Variants in SKAP2 observed in about 807,000 individuals in gnomAD.
SKAP2 encodes the protein src kinase-associated phosphoprotein 2.
A neutral mutation model predicts 54.9 loss-of-function variants in SKAP2; 28 were observed. The ratio of observed to expected loss-of-function variants is 0.51; its 90% confidence interval spans 0.38 to 0.70. The LOEUF is 0.70. Ranked by LOEUF, SKAP2 falls within the 30% of genes least tolerant of loss-of-function variation. The pLI is 0.00. For missense variants in SKAP2, 356 were observed against 424.1 expected, an observed-to-expected ratio of 0.84 and a Z score of 1.41; for synonymous variants, 137 against 134.3, an observed-to-expected ratio of 1.02 and a Z score of -0.14.
chr7:26,755,495 A>G (rs902284727), intron 4 of SKAP2, among the ~76,000 whole-genome samples: 3 of 152,238 alleles, frequency 2.0e-5, no homozygotes, highest in African/African-American at 7.2e-5. Context: ...ATAGAAAAAC[A>G]GGTAAAGGAT....
intron 4 of SKAP2, among the ~76,000 whole-genome samples, chr7:26,783,067 T>C (rs959869997): frequency 2.0e-5 from 3 of 152,180 alleles, no homozygotes; most frequent in Admixed American, 6.5e-5. Context: ...TCCAGACCAG[T>C]ATCTAACTGC....
At chr7:26,754,776 C>T (rs560498618) in intron 4 of SKAP2, among the ~76,000 whole-genome samples, 2 of 152,328 alleles carry the variant, frequency 1.3e-5, no homozygotes, top group South Asian at 2.1e-4. Flanking sequence ...CAGTTCAGTG[C>T]TCCCTCATTT....
At chr7:26,770,236 G>C (rs990442303) in intron 4 of SKAP2, among the ~76,000 whole-genome samples, 2 of 152,150 alleles carry the variant, frequency 1.3e-5, no homozygotes, top group Admixed American at 6.5e-5. Flanking sequence ...GAACTTCTGG[G>C]TGGCTTTGTT....
chr7:26,827,679 C>A (rs1483606253), intron 4 of SKAP2, among the ~76,000 whole-genome samples: 38 of 152,194 alleles, frequency 2.5e-4, no homozygotes, highest in Non-Finnish European at 4.4e-5. Context: ...CAAGACATCA[C>A]AAACCCCACT....
intron 10 of SKAP2, 90 bp downstream of exon 10, chr7:26,690,195 G>A: frequency 1.0e-5 from 10 of 976,494 alleles, no homozygotes; most frequent in Non-Finnish European, 1.5e-5. Flanking sequence ...GGGGAGCTGT[G>A]TAAACATCTT....
chr7:26,692,621 G>T (rs1248556311), intron 9 of SKAP2, among the ~76,000 whole-genome samples: 1 of 152,168 alleles, frequency 6.6e-6, no homozygotes, highest in Non-Finnish European at 1.5e-5. Flanking sequence ...ACATAACACT[G>T]ACAATTTAAT....
At chr7:26,750,191 C>A in intron 4 of SKAP2, among the ~76,000 whole-genome samples, 1 of 151,936 alleles carries the variant, frequency 6.6e-6, no homozygotes, top group East Asian at 1.9e-4. Flanking sequence ...AATTACTTTT[C>A]TATGGCATTA....
At chr7:26,690,212 A>G in intron 10 of SKAP2, 73 bp downstream of exon 10, 2 of 1,106,382 alleles carry the variant, frequency 1.8e-6, no homozygotes, top group Non-Finnish European at 2.8e-6. Flanking sequence ...TCTTTAGAAC[A>G]GTAAGAACAT....
At chr7:26,743,672 T>C (rs1257799965) in intron 4 of SKAP2, among the ~76,000 whole-genome samples, 1 of 152,202 alleles carries the variant, frequency 6.6e-6, no homozygotes, top group Non-Finnish European at 1.5e-5. Flanking sequence ...GTATTTCTTA[T>C]ATGATAAACC....
chr7:26,732,301 C>T (rs886241371), intron 6 of SKAP2, among the ~76,000 whole-genome samples: 12 of 152,284 alleles, frequency 7.9e-5, no homozygotes, highest in African/African-American at 2.6e-4. Flanking sequence ...CCTGGCTTGG[C>T]AAGGCCCAAG....
At chr7:26,703,753 A>G (rs368248739) in intron 9 of SKAP2, among the ~76,000 whole-genome samples, 1 of 152,212 alleles carries the variant, frequency 6.6e-6, no homozygotes, top group Admixed American at 6.5e-5. Context: ...TGTGTACTAA[A>G]CACCACTAGG....
At chr7:26,741,133 AGTACAAAC>A (rs1462952512) in intron 4 of SKAP2, among the ~76,000 whole-genome samples, 1 of 152,244 alleles carries the variant, frequency 6.6e-6, no homozygotes. Context: ...AATGTGTTTG[AGTACAAAC>A]ATGTAATTAG....
At chr7:26,797,560 A>G (rs754333805) in intron 4 of SKAP2, among the ~76,000 whole-genome samples, 7 of 152,158 alleles carry the variant, frequency 4.6e-5, no homozygotes, top group Non-Finnish European at 8.8e-5. Flanking sequence ...AAGTCTTCCC[A>G]AGAAGGATGG....
chr7:26,775,270 C>T (rs1195758237), intron 4 of SKAP2, among the ~76,000 whole-genome samples: 2 of 152,112 alleles, frequency 1.3e-5, no homozygotes, highest in African/African-American at 2.4e-5. Context: ...ATCAAGTTCC[C>T]CTTTTAACTT....
chr7:26,763,352 T>A (rs1214083100), intron 4 of SKAP2, among the ~76,000 whole-genome samples: 3 of 152,074 alleles, frequency 2.0e-5, no homozygotes, highest in Admixed American at 2.0e-4. Context: ...TTCCAAGGGA[T>A]TCCAAAAATT....
At chr7:26,670,425 A>C (rs1203811653) in intron 11 of SKAP2, among the ~76,000 whole-genome samples, 1 of 152,058 alleles carries the variant, frequency 6.6e-6, no homozygotes, top group Non-Finnish European at 1.5e-5. Context: ...CACAGAAACA[A>C]TCACTCATGA....
chr7:26,755,830 C>T (rs1032117170), intron 4 of SKAP2, among the ~76,000 whole-genome samples: 43 of 152,216 alleles, frequency 2.8e-4, no homozygotes, highest in African/African-American at 9.6e-4. Flanking sequence ...AGAAGAGATA[C>T]TCGCATCTCC....
chr7:26,746,013 A>G (rs1014676393), intron 4 of SKAP2, among the ~76,000 whole-genome samples: 1 of 152,208 alleles, frequency 6.6e-6, no homozygotes, highest in African/African-American at 2.4e-5. Context: ...TGATAAACAG[A>G]ATGAACATAC....
intron 4 of SKAP2, among the ~76,000 whole-genome samples, chr7:26,817,284 T>C (rs1584407020): frequency 6.6e-6 from 1 of 152,100 alleles, no homozygotes; most frequent in East Asian, 1.9e-4. Flanking sequence ...TCAAGATTTA[T>C]AAAAATACAT....
Sources: gnomAD v4.1 joint callset for allele counts (sites outside exome capture counted in the v4.1 genomes callset) on GRCh38, gnomAD v4.1.1 for gene constraint, MANE v1.5 for transcripts, NCBI Gene and HGNC (gene_info 2026-07-23, HGNC 2026-07-21) for gene names.